Variants in SCN8A observed in about 807,000 individuals in gnomAD.
SCN8A encodes sodium channel protein type 8 subunit alpha.
SCN8A carries 30 observed loss-of-function variants against 184.1 expected under a neutral mutation model. The observed-to-expected ratio is 0.16, with a 90% CI of 0.12 to 0.22. SCN8A has a LOEUF of 0.22. Among genes scored for constraint, SCN8A ranks in the 10% least tolerant of loss-of-function variants. The pLI is 1.00. For missense variants in SCN8A, 1,057 were observed against 2,498.9 expected, an observed-to-expected ratio of 0.42 and a Z score of 12.30; for synonymous variants, 852 against 907.0, an observed-to-expected ratio of 0.94 and a Z score of 1.09.
intron 18 of SCN8A, 66 bp from the exon 19 acceptor site, chr12:51,770,463 G>A: frequency 6.8e-7 from 1 of 1,478,486 alleles, no homozygotes; most frequent in Non-Finnish European, 9.1e-7. Context: ...CTGGGAGATG[G>A]AGGAGAGGGC....
At chr12:51,776,581 T>C (rs1937704386) in intron 20 of SCN8A, among the ~76,000 whole-genome samples, 1 of 152,252 alleles carries the variant, frequency 6.6e-6, no homozygotes, top group African/African-American at 2.4e-5. Flanking sequence ...ATAGCAACTA[T>C]GTCCTGACTC....
intron 25 of SCN8A, among the ~76,000 whole-genome samples, chr12:51,790,854 G>A (rs749383691): frequency 5.9e-5 from 9 of 152,172 alleles, no homozygotes; most frequent in Non-Finnish European, 1.3e-4. Context: ...GTTCAAGATA[G>A]GATTTGGTCA....
chr12:51,620,103 A>G (rs1238341841), intron 1 of SCN8A, among the ~76,000 whole-genome samples: 2 of 152,164 alleles, frequency 1.3e-5, no homozygotes, highest in African/African-American at 4.8e-5. Flanking sequence ...GAGACCAAAG[A>G]GTTGTCATTT....
intron 24 of SCN8A, among the ~76,000 whole-genome samples, chr12:51,789,788 C>G (rs139217031): frequency 6.6e-6 from 1 of 152,212 alleles, no homozygotes; most frequent in Non-Finnish European, 1.5e-5. Context: ...TCTAGTCAAT[C>G]TCTGAGCACA....
At chr12:51,775,512 G>C (rs1324566703) in intron 20 of SCN8A, among the ~76,000 whole-genome samples, 2 of 152,186 alleles carry the variant, frequency 1.3e-5, no homozygotes, top group Middle Eastern at 6.3e-3. Context: ...GCCTAAATGA[G>C]GTGAGGACCC....
chr12:51,707,549 G>A (rs1473247098), intron 11 of SCN8A, among the ~76,000 whole-genome samples: 1 of 152,076 alleles, frequency 6.6e-6, no homozygotes, highest in Non-Finnish European at 1.5e-5. Flanking sequence ...ACTGACAGCC[G>A]ATTAAATGGT....
intron 13 of SCN8A, among the ~76,000 whole-genome samples, chr12:51,748,589 T>G (rs1368611553): frequency 6.6e-6 from 1 of 152,212 alleles, no homozygotes; most frequent in African/African-American, 2.4e-5. Flanking sequence ...AGTGATGTAC[T>G]TGACATTATT....
Position 51,732,750 on chromosome 12 carries a change from T to C in SCN8A, c.1998+10842T>C, listed in dbSNP as rs376596870. On this transcript the variant is annotated intron_variant, in intron 12 of 26. Coordinates refer to ENST00000627620, the MANE Select transcript of SCN8A (RefSeq NM_001330260.2). ...CCTCTTCAATTTCTTTCGTCAGTGTTTTATAGTTTTCTTGTAGAGATGTTT... is the reference window on the plus strand; with the variant it reads ...CCTCTTCAATTTCTTTCGTCAGTGTCTTATAGTTTTCTTGTAGAGATGTTT... 9.9e-5 allele frequency among the ~76,000 whole-genome samples: 15 copies of C among 152,278 alleles called. No homozygotes were observed. The South Asian group carries it at 1.7e-3, about 17-fold the overall frequency.
chr12:51,770,382 A>G (rs1942906067), intron 18 of SCN8A, 147 bp from the exon 19 acceptor site: 2 of 929,092 alleles, frequency 2.2e-6, no homozygotes, highest in East Asian at 5.3e-5. Flanking sequence ...CACCCTCTCC[A>G]TTTCTGAATC....
At position 51,654,395 on chromosome 12, in the gene SCN8A, C is replaced by T. The variant is rs115959279; in HGVS notation, c.-54-8369C>T. On this transcript the variant is annotated intron_variant, in intron 1 of 26. Transcript: ENST00000627620. Reference sequence around the variant, plus strand: ...ATGGTATAAGGTAAGGATCCAACTTCGTTCTTTTGCAAGTGAATATCCAGT... The same window carrying T: ...ATGGTATAAGGTAAGGATCCAACTTTGTTCTTTTGCAAGTGAATATCCAGT... Among the ~76,000 whole-genome samples, 884 of 152,244 alleles carry T rather than the reference C, an allele frequency of 5.8e-3. 5 individuals are homozygous for T. The highest frequency in any genetic ancestry group is 0.02 in the African/African-American group (821 of 41,542).
At chr12:51,683,807 C>G (rs1246652622) in intron 2 of SCN8A, among the ~76,000 whole-genome samples, 1 of 152,210 alleles carries the variant, frequency 6.6e-6, no homozygotes, top group Admixed American at 6.5e-5. Flanking sequence ...AGAACACTGT[C>G]TGACACATAG....
At chr12:51,742,241 G>A (rs1336751397) in intron 12 of SCN8A, among the ~76,000 whole-genome samples, 2 of 152,126 alleles carry the variant, frequency 1.3e-5, no homozygotes, top group Non-Finnish European at 2.9e-5. Flanking sequence ...CAATTACAGT[G>A]TTACAATATT....
At chr12:51,608,498 C>T (rs1227164777) in intron 1 of SCN8A, among the ~76,000 whole-genome samples, 1 of 152,096 alleles carries the variant, frequency 6.6e-6, no homozygotes, top group Non-Finnish European at 1.5e-5. Context: ...ATTGATCCAT[C>T]TCTTTTAGGT....
intron 1 of SCN8A, among the ~76,000 whole-genome samples, chr12:51,632,025 A>G (rs1213816874): frequency 3.9e-5 from 6 of 152,196 alleles, no homozygotes; most frequent in African/African-American, 1.2e-4. Context: ...AGTAAAACAG[A>G]TAAGAACAGA....
rs763847342 is a variant in SCN8A, at chr12:51,687,113, A to T, written c.508A>T (p.Thr170Ser). 1.9e-6 allele frequency: 3 copies of T among 1,613,470 alleles called. No individual in the cohort carries two copies. Among genetic ancestry groups the T allele is most frequent in the Admixed American group, 1.7e-5 (1 of 59,974 alleles). Reference protein sequence around the residue: ...NVEYTFTGIYTFESLVKIIAR... With the variant: ...NVEYTFTGIYSFESLVKIIAR... Reference sequence around the variant, plus strand: ...CAGGTACACGTTCACAGGGATTTATACATTTGAATCACTAGTGAAAATCAT... The same window carrying T: ...CAGGTACACGTTCACAGGGATTTATTCATTTGAATCACTAGTGAAAATCAT... Residue 170 changes from threonine (T) to serine (S), a missense_variant, in exon 5 of 27, where the codon ACA becomes TCA. Transcript: ENST00000627620.
intron 2 of SCN8A, among the ~76,000 whole-genome samples, chr12:51,668,158 G>A (rs1592367314): frequency 6.8e-6 from 1 of 147,036 alleles, no homozygotes; most frequent in East Asian, 2.0e-4. Flanking sequence ...ACTCCAGCCT[G>A]GGCAACAAGA....
intron 1 of SCN8A, among the ~76,000 whole-genome samples, chr12:51,660,741 G>A (rs1333623902): frequency 1.3e-5 from 2 of 152,142 alleles, no homozygotes; most frequent in Non-Finnish European, 2.9e-5. Flanking sequence ...GAGATTGAAC[G>A]AGTTAATACC....
intron 1 of SCN8A, among the ~76,000 whole-genome samples, chr12:51,612,462 C>A (rs572329986): frequency 9.8e-5 from 15 of 152,292 alleles, no homozygotes; most frequent in African/African-American, 3.1e-4. Flanking sequence ...CATGCCCTAG[C>A]TGCTAGTTTT....
chr12:51,753,128 G>T (rs1171020184), intron 14 of SCN8A, among the ~76,000 whole-genome samples: 1 of 152,130 alleles, frequency 6.6e-6, no homozygotes, highest in Non-Finnish European at 1.5e-5. Flanking sequence ...AGAAGACTTT[G>T]CTCAGAACCA....
Sources: allele counts gnomAD v4.1 joint callset (sites outside exome capture counted in the v4.1 genomes callset), GRCh38; gene constraint gnomAD v4.1.1; transcripts MANE v1.5; gene names NCBI Gene and HGNC (gene_info 2026-07-23, HGNC 2026-07-21).